Variants in ZNF143 observed in about 807,000 individuals in gnomAD.
ZNF143 encodes the protein SPH-binding factor.
In ZNF143, 49 loss-of-function variants were observed where a neutral mutation model predicts 74.1. The observed-to-expected ratio is 0.66, with a 90% CI of 0.53 to 0.84. The LOEUF (loss-of-function observed/expected upper bound fraction) is 0.84, where lower values mean the gene tolerates loss of function less well. Among genes scored for constraint, ZNF143 ranks in the 40% least tolerant of loss-of-function variants. ZNF143 has a pLI of 0.00. For missense variants in ZNF143, 637 were observed against 793.4 expected, an observed-to-expected ratio of 0.80 and a Z score of 2.37; for synonymous variants, 304 against 282.8, an observed-to-expected ratio of 1.07 and a Z score of -0.75.
intron 7 of ZNF143, among the ~76,000 whole-genome samples, chr11:9,492,433 GAGAC>G (rs1847817351): frequency 1.3e-5 from 2 of 151,418 alleles, no homozygotes; most frequent in Admixed American, 1.3e-4. Context: ...ATTTTTAGTA[GAGAC>G]AGGGTTTCAC....
At chr11:9,500,587 C>T (rs759074316) in intron 10 of ZNF143, among the ~76,000 whole-genome samples, 1 of 151,832 alleles carries the variant, frequency 6.6e-6, no homozygotes, top group Non-Finnish European at 1.5e-5. Flanking sequence ...GCGCCCGGCA[C>T]CATGCCCAGC....
At chr11:9,501,466 C>G (rs1565052129) in intron 11 of ZNF143, among the ~76,000 whole-genome samples, 196 bp downstream of exon 11, 1 of 152,190 alleles carries the variant, frequency 6.6e-6, no homozygotes, top group South Asian at 2.1e-4. Flanking sequence ...TTGAGTATCT[C>G]CTGCCAGGCA....
intron 13 of ZNF143, among the ~76,000 whole-genome samples, chr11:9,513,949 GTGTT>G (rs1487059702): frequency 2.6e-5 from 4 of 152,176 alleles, no homozygotes; most frequent in Admixed American, 1.3e-4. Context: ...GATAATTCTA[GTGTT>G]TGTTTGTGTG....
intron 11 of ZNF143, among the ~76,000 whole-genome samples, chr11:9,508,213 T>G (rs1156307525): frequency 6.6e-6 from 1 of 152,234 alleles, no homozygotes; most frequent in East Asian, 1.9e-4. Context: ...CAATCCTTTT[T>G]TATTATCTTT....
At chr11:9,462,698 A>G (rs1049454888) in intron 1 of ZNF143, among the ~76,000 whole-genome samples, 1 of 151,796 alleles carries the variant, frequency 6.6e-6, no homozygotes, top group Non-Finnish European at 1.5e-5. Flanking sequence ...ACGTGGTGAA[A>G]CCCCCGTCTC....
At chr11:9,466,830 T>G (rs1856251401) in intron 1 of ZNF143, among the ~76,000 whole-genome samples, 1 of 151,114 alleles carries the variant, frequency 6.6e-6, no homozygotes, top group African/African-American at 2.4e-5. Context: ...CAGAGAGCAG[T>G]AAAGATATTA....
chr11:9,521,633 A>G (rs1384093239), intron 14 of ZNF143, among the ~76,000 whole-genome samples: 4 of 151,504 alleles, frequency 2.6e-5, no homozygotes, highest in Non-Finnish European at 4.4e-5. Context: ...AAGTGGATCT[A>G]TACTATTCAA....
chr11:9,509,574 T>A (rs1398722274), intron 12 of ZNF143, among the ~76,000 whole-genome samples: 4 of 152,228 alleles, frequency 2.6e-5, no homozygotes, highest in African/African-American at 9.6e-5. Context: ...ACCTCCTAAA[T>A]GAAGTAAATT....
intron 14 of ZNF143, 76 bp downstream of exon 14, chr11:9,516,438 A>G: frequency 2.2e-6 from 3 of 1,347,784 alleles, no homozygotes; most frequent in East Asian, 2.5e-5. Flanking sequence ...GCAATGTGGT[A>G]CAACAGTTAA....
At chr11:9,491,890 A>G (rs750857685) in intron 7 of ZNF143, among the ~76,000 whole-genome samples, 3 of 152,138 alleles carry the variant, frequency 2.0e-5, no homozygotes, top group Admixed American at 6.5e-5. Context: ...TTGGCCTCCA[A>G]AAGTGCTGGG....
intron 11 of ZNF143, among the ~76,000 whole-genome samples, chr11:9,503,446 T>A (rs1848239061): frequency 1.3e-5 from 2 of 152,190 alleles, no homozygotes; most frequent in Non-Finnish European, 1.5e-5. Context: ...TTCTCCCAAG[T>A]GGCTGCACCA....
intron 12 of ZNF143, among the ~76,000 whole-genome samples, chr11:9,511,285 G>GTTTT: frequency 6.7e-6 from 1 of 148,712 alleles, no homozygotes; most frequent in African/African-American, 2.5e-5. Context: ...CTAATTTTGT[G>GTTTT]TTTTTGTTTG....
At chr11:9,497,036 C>G (rs1171382446) in intron 9 of ZNF143, among the ~76,000 whole-genome samples, 3 of 152,212 alleles carry the variant, frequency 2.0e-5, no homozygotes, top group Non-Finnish European at 2.9e-5. Flanking sequence ...TTGCATCCAG[C>G]AGGGCTGGGA....
At chr11:9,511,093 T>G (rs1227588515) in intron 12 of ZNF143, among the ~76,000 whole-genome samples, 1 of 150,100 alleles carries the variant, frequency 6.7e-6, no homozygotes, top group East Asian at 2.0e-4. Flanking sequence ...TAACCACTTT[T>G]AACAGCTTCT....
At chr11:9,465,960 T>A (rs186135341) in intron 1 of ZNF143, among the ~76,000 whole-genome samples, 24 of 151,572 alleles carry the variant, frequency 1.6e-4, no homozygotes, top group Admixed American at 9.2e-4. Flanking sequence ...CCCAAGTGGC[T>A]TGGTATTACA....
At chr11:9,516,755 G>A (rs975080907) in intron 14 of ZNF143, among the ~76,000 whole-genome samples, 1 of 152,186 alleles carries the variant, frequency 6.6e-6, no homozygotes, top group Non-Finnish European at 1.5e-5. Flanking sequence ...ATACAGGTAT[G>A]TAATGAAAAG....
chr11:9,501,925 C>CTTTT (rs57169874), intron 11 of ZNF143, among the ~76,000 whole-genome samples: 9 of 37,438 alleles, frequency 2.4e-4, no homozygotes, highest in African/African-American at 3.4e-4. Context: ...TGGATATATT[C>CTTTT]TTTTTTTTTT....
chr11:9,486,166 G>C (rs1433202031), intron 7 of ZNF143, among the ~76,000 whole-genome samples: 2 of 147,496 alleles, frequency 1.4e-5, no homozygotes, highest in Non-Finnish European at 3.0e-5. Flanking sequence ...GGGCCAATTA[G>C]ACAGTGTACG....
At chr11:9,526,457 A>T (rs1212143421) in intron 15 of ZNF143, among the ~76,000 whole-genome samples, 2 of 152,210 alleles carry the variant, frequency 1.3e-5, no homozygotes, top group Non-Finnish European at 2.9e-5. Context: ...TACTTGATAA[A>T]GAGTTAGAAC....
Sources: gnomAD v4.1 joint callset for allele counts (sites outside exome capture counted in the v4.1 genomes callset) on GRCh38, gnomAD v4.1.1 for gene constraint, MANE v1.5 for transcripts, NCBI Gene and HGNC (gene_info 2026-07-23, HGNC 2026-07-21) for gene names.